Variants in PXYLP1 observed in about 807,000 individuals in gnomAD.
The protein encoded by PXYLP1 is 2-phosphoxylose phosphatase 1, also known as acid phosphatase-like 2.
In PXYLP1, 17 loss-of-function variants were observed where a neutral mutation model predicts 37.9. The observed-to-expected ratio is 0.45, with a 90% CI of 0.31 to 0.67. PXYLP1 has a LOEUF of 0.67. Ranked by LOEUF, PXYLP1 falls within the 30% of genes least tolerant of loss-of-function variation. The pLI is 0.07. For synonymous variants in PXYLP1, 221 were observed against 232.2 expected, an observed-to-expected ratio of 0.95 and a Z score of 0.44; for missense variants, 511 against 612.0, an observed-to-expected ratio of 0.84 and a Z score of 1.74.
At chr3:141,266,767 T>C (rs1341490898) in intron 2 of PXYLP1, among the ~76,000 whole-genome samples, 1 of 151,866 alleles carries the variant, frequency 6.6e-6, no homozygotes, top group Non-Finnish European at 1.5e-5. Flanking sequence ...CCCTGGGAAC[T>C]CTTCTACCTG....
chr3:141,247,246 G>A lies in PXYLP1; in HGVS notation c.-53-12877G>A, dbSNP rs933866809. The stretch of plus-strand genomic sequence containing the variant: ...GAGGGCTTGAAGTGAGGCTGCACTG[G>A]TAGGTGGGGCCGTGGAGGCCATGGG... On this transcript the variant is annotated intron_variant, in intron 1 of 5. Coordinates refer to ENST00000286353, the MANE Select transcript of PXYLP1 (RefSeq NM_001037172.3). 2.0e-5 allele frequency among the ~76,000 whole-genome samples: 3 copies of A among 152,264 alleles called. No individual in the cohort carries two copies. In the South Asian group the frequency reaches 6.2e-4, roughly 31 times the overall value.
intron 2 of PXYLP1, among the ~76,000 whole-genome samples, chr3:141,271,548 A>G (rs56192713): frequency 0.21 from 31,406 of 152,166 alleles, 4,339 homozygotes; most frequent in African/African-American, 0.39. Flanking sequence ...TCCCAGAGCA[A>G]TGGAGACAGA....
intron 2 of PXYLP1, among the ~76,000 whole-genome samples, chr3:141,265,326 C>T (rs1941481747): frequency 6.8e-6 from 1 of 146,078 alleles, no homozygotes; most frequent in South Asian, 2.1e-4. Context: ...TGTCAAAATG[C>T]ATGTTCCAAA....
chr3:141,237,140 C>T (rs1264424887), intron 1 of PXYLP1, among the ~76,000 whole-genome samples: 1 of 152,144 alleles, frequency 6.6e-6, no homozygotes, highest in Non-Finnish European at 1.5e-5. Context: ...CTATGTAAAC[C>T]TGGATATCCC....
At chr3:141,252,348 A>G (rs1355262251) in intron 1 of PXYLP1, among the ~76,000 whole-genome samples, 6 of 152,172 alleles carry the variant, frequency 3.9e-5, no homozygotes, top group Non-Finnish European at 5.9e-5. Flanking sequence ...AAGAAAAGAA[A>G]TGTATTTAGT....
chr3:141,254,606 G>T (rs1272398371), intron 1 of PXYLP1, among the ~76,000 whole-genome samples: 1 of 152,080 alleles, frequency 6.6e-6, no homozygotes, highest in East Asian at 1.9e-4. Flanking sequence ...CTTTGATTTG[G>T]CAATTAAACT....
intron 1 of PXYLP1, among the ~76,000 whole-genome samples, chr3:141,242,760 G>A (rs1559879338): frequency 1.3e-5 from 2 of 152,148 alleles, no homozygotes; most frequent in African/African-American, 2.4e-5. Context: ...TAATGAGAAC[G>A]AAATCATGAC....
chr3:141,286,124 A>C (rs1251651209), intron 4 of PXYLP1, among the ~76,000 whole-genome samples: 1 of 152,098 alleles, frequency 6.6e-6, no homozygotes, highest in Non-Finnish European at 1.5e-5. Context: ...GGCATGAACT[A>C]CTCTATCTGT....
chr3:141,292,356 C>A lies in PXYLP1; in HGVS notation c.594C>A (p.Asp198Glu). ...TCCTGCCCAATGATTGGTCTGCAGA[C>A]CAGCTCTATTTAGAGACCACTGGGA... ...HKLLPNDWSA[D>E]QLYLETTGKS... Residue 198 changes from aspartate to glutamate, a missense_variant, in exon 6 of 6, where the codon GAC becomes GAA. By Grantham distance (45) the Asp-to-Glu change is conservative (BLOSUM62 2). Coordinates refer to ENST00000286353, the MANE Select transcript of PXYLP1 (RefSeq NM_001037172.3). This position sits in a 1 kb window ranked among gnomAD's most constrained non-coding sequence, Gnocchi z 4.3. 6.2e-7 allele frequency: 1 copy of A among 1,614,150 alleles called. No individual in the cohort carries two copies. Among genetic ancestry groups the A allele is most frequent in the Non-Finnish European group, 8.5e-7 (1 of 1,180,040 alleles).
At chr3:141,257,716 A>G (rs1204006998) in intron 1 of PXYLP1, among the ~76,000 whole-genome samples, 1 of 152,052 alleles carries the variant, frequency 6.6e-6, no homozygotes, top group Non-Finnish European at 1.5e-5. Flanking sequence ...AGCCTGGCCA[A>G]TGTGGTGAAA....
chr3:141,247,309 C>T (rs1409663574), intron 1 of PXYLP1, among the ~76,000 whole-genome samples: 1 of 152,238 alleles, frequency 6.6e-6, no homozygotes, highest in African/African-American at 2.4e-5. Context: ...TTATGGGAAA[C>T]CACTAGAAGA....
chr3:141,291,289 G>A (rs1942198665), intron 5 of PXYLP1, among the ~76,000 whole-genome samples: 1 of 152,242 alleles, frequency 6.6e-6, no homozygotes, highest in South Asian at 2.1e-4. Flanking sequence ...CCTACTACAG[G>A]ATGAGAGTGA....
chr3:141,275,649 T>G (rs1941773944), intron 2 of PXYLP1, among the ~76,000 whole-genome samples: 1 of 152,218 alleles, frequency 6.6e-6, no homozygotes, highest in South Asian at 2.1e-4. Flanking sequence ...TGGGCTGTGT[T>G]AGCCATCCTA....
chr3:141,248,084 G>A (rs577321282), intron 1 of PXYLP1, among the ~76,000 whole-genome samples: 11 of 149,500 alleles, frequency 7.4e-5, no homozygotes, highest in Admixed American at 6.0e-4. Flanking sequence ...GTGCAGTGGC[G>A]CAATTTTGGC....
chr3:141,245,719 A>T lies in PXYLP1; in HGVS notation c.-54+13808A>T, dbSNP rs182266173. Among the ~76,000 whole-genome samples, 3 of 152,358 alleles carry T rather than the reference A, an allele frequency of 2.0e-5. No individual in the cohort carries two copies. The East Asian group carries it at 5.8e-4, about 29-fold the overall frequency. Reference sequence around the variant, plus strand: ...GTCCAGTAGACAAGAACCAAATGAAAATCAGAATTAGATATTTGCTCACGG... The same window carrying T: ...GTCCAGTAGACAAGAACCAAATGAATATCAGAATTAGATATTTGCTCACGG... On this transcript the variant is annotated intron_variant, in intron 1 of 5. Coordinates refer to ENST00000286353, the MANE Select transcript of PXYLP1 (RefSeq NM_001037172.3).
At chr3:141,260,039 A>T in intron 1 of PXYLP1, 84 bp from the exon 2 acceptor site, 1 of 912,774 alleles carries the variant, frequency 1.1e-6, no homozygotes, top group Non-Finnish European at 1.7e-6. Flanking sequence ...GATTATTATC[A>T]GTTGACAAGT....
chr3:141,276,349 AT>A (rs1941795530), intron 2 of PXYLP1, among the ~76,000 whole-genome samples: 1 of 152,010 alleles, frequency 6.6e-6, no homozygotes, highest in Middle Eastern at 3.4e-3. Flanking sequence ...CCTTCTAGAC[AT>A]TTTTTCTATG....
At chr3:141,265,493 G>A (rs888778026) in intron 2 of PXYLP1, among the ~76,000 whole-genome samples, 2 of 152,014 alleles carry the variant, frequency 1.3e-5, no homozygotes, top group African/African-American at 4.8e-5. Flanking sequence ...TTGTGAAAGG[G>A]TGATGCTGGG....
rs1302580467 is a variant in PXYLP1 at position 141,279,502 on chromosome 3, C to G, written c.363C>G (p.Asn121Lys). Residue 121 changes from asparagine (N) to lysine (K), a missense_variant and splice_region_variant, in exon 4 of 6, where the codon AAC (asparagine) becomes AAG (lysine). By Grantham distance (94) the Asn-to-Lys change is moderately conservative (BLOSUM62 0). Coordinates refer to ENST00000286353, the MANE Select transcript of PXYLP1 (RefSeq NM_001037172.3). ...RPEIDCTLVA[N>K]RKPYHPKLEA... Reference sequence around the variant, plus strand: ...AAATTGACTGCACTCTGGTGGCTAACAGGTAAATTGCACTTTTTCTAAAAG... The same window carrying G: ...AAATTGACTGCACTCTGGTGGCTAAGAGGTAAATTGCACTTTTTCTAAAAG... 4.3e-6 allele frequency: 7 copies of G among 1,614,230 alleles called. No individual in the cohort carries two copies. The East Asian group carries it at 1.6e-4, about 36-fold the overall frequency.
Sources: gnomAD v4.1 joint callset for allele counts (sites outside exome capture counted in the v4.1 genomes callset) on GRCh38, gnomAD v4.1.1 for gene constraint, Gnocchi (gnomAD v3.1) non-coding constraint, MANE v1.5 for transcripts, NCBI Gene and HGNC (gene_info 2026-07-23, HGNC 2026-07-21) for gene names.